SND1: variants seen among roughly 807,000 people sequenced by gnomAD.
SND1 encodes the protein staphylococcal nuclease domain-containing protein 1.
Under a neutral mutation model 121.7 loss-of-function variants are expected in SND1, and 38 were observed. The observed-to-expected ratio is 0.31, with a 90% CI of 0.24 to 0.41. The LOEUF is 0.41. Ranked by LOEUF, SND1 falls within the 10% of genes least tolerant of loss-of-function variation. The pLI is 1.00. For synonymous variants in SND1, 401 were observed against 447.4 expected (o/e 0.90, Z 1.31); for missense variants, 868 against 1,184.6 (o/e 0.73, Z 3.92).
chr7:127,853,162 G>A (rs2116665230), intron 12 of SND1, among the ~76,000 whole-genome samples: 1 of 152,240 alleles, frequency 6.6e-6, no homozygotes, highest in Middle Eastern at 3.4e-3. Context: ...GAGGGAAAGA[G>A]GCTCTCTGGT....
At chr7:128,031,803 C>T (rs892305425) in intron 16 of SND1, among the ~76,000 whole-genome samples, 5 of 147,492 alleles carry the variant, frequency 3.4e-5, no homozygotes, top group African/African-American at 1.2e-4. Flanking sequence ...TGCCCGGCCC[C>T]CGGCGCGCCG....
intron 1 of SND1, among the ~76,000 whole-genome samples, chr7:127,681,465 T>G (rs1373630364): frequency 6.6e-6 from 1 of 152,228 alleles, no homozygotes; most frequent in Non-Finnish European, 1.5e-5. Context: ...TAGTGTCCAT[T>G]GAAGCACACT....
intron 16 of SND1, among the ~76,000 whole-genome samples, chr7:128,064,206 G>A (rs1793276300): frequency 1.3e-5 from 2 of 152,036 alleles, no homozygotes; most frequent in Admixed American, 6.5e-5. Context: ...TAGACCCAGA[G>A]AGGTTAAAAA....
intron 14 of SND1, among the ~76,000 whole-genome samples, chr7:127,928,717 T>A (rs1800900430): frequency 6.6e-6 from 1 of 152,082 alleles, no homozygotes; most frequent in Non-Finnish European, 1.5e-5. Context: ...GCCTCCCAAG[T>A]AGCTGGGATT....
At chr7:127,922,307 C>G (rs186830161) in intron 14 of SND1, among the ~76,000 whole-genome samples, 1 of 149,532 alleles carries the variant, frequency 6.7e-6, no homozygotes, top group Non-Finnish European at 1.5e-5. Context: ...ATGAGGCCAC[C>G]GTGCCTGGCT....
chr7:127,846,785 A>G (rs890616290), intron 12 of SND1, among the ~76,000 whole-genome samples: 2 of 152,146 alleles, frequency 1.3e-5, no homozygotes, highest in Admixed American at 6.5e-5. Flanking sequence ...GCAGATTCAG[A>G]GAGACTCCCA....
chr7:127,698,956 A>G lies in SND1; in HGVS notation c.428+3A>G, dbSNP rs147567302. On this transcript the variant is annotated splice_donor_region_variant and intron_variant, in intron 4 of 23. Coordinates refer to ENST00000354725, the MANE Select transcript of SND1 (RefSeq NM_014390.4). ...AGAGAAGGCATGAGAGCTAATAAGTAAGTATTCATTACTCCGCTGTCTCTC... is the reference window on the plus strand; with the variant it reads ...AGAGAAGGCATGAGAGCTAATAAGTGAGTATTCATTACTCCGCTGTCTCTC... 2.2e-4 allele frequency: 355 copies of G among 1,611,120 alleles called. No individual in the cohort carries two copies. Among genetic ancestry groups the G allele is most frequent in the Non-Finnish European group, 2.8e-4 (328 of 1,177,424 alleles).
chr7:127,785,205 G>A (rs1022790441), intron 10 of SND1, among the ~76,000 whole-genome samples: 1 of 152,144 alleles, frequency 6.6e-6, no homozygotes, highest in Non-Finnish European at 1.5e-5. Flanking sequence ...CACCATGCCC[G>A]GCCAGGAATG....
intron 12 of SND1, among the ~76,000 whole-genome samples, chr7:127,870,248 G>A (rs951627387): frequency 6.6e-6 from 1 of 152,010 alleles, no homozygotes; most frequent in Non-Finnish European, 1.5e-5. Flanking sequence ...ATCTCCTATG[G>A]TCCTTAGTAT....
At chr7:127,963,361 G>A (rs1238596390) in intron 15 of SND1, among the ~76,000 whole-genome samples, 4 of 142,824 alleles carry the variant, frequency 2.8e-5, no homozygotes, top group East Asian at 4.2e-4. Flanking sequence ...CCACTAACTC[G>A]TCATCTAGCA....
In SND1 at chr7:127,815,924, C is replaced by T. The variant is rs138289196; in HGVS notation, c.1242+8351C>T. Among the ~76,000 whole-genome samples the T allele has an allele frequency of 4.5e-4, 69 of 152,254 alleles. 1 individual carries two copies. Among genetic ancestry groups the T allele is most frequent in the Non-Finnish European group, 8.2e-4 (56 of 68,008 alleles). On this transcript the variant is annotated intron_variant, in intron 11 of 23. Transcript: ENST00000354725. ...GATAATGTCAGCATTCTTTCATCTC[C>T]GATTTCATGCCTGTTTTGTCTTACT...
intron 5 of SND1, among the ~76,000 whole-genome samples, 184 bp from the exon 6 acceptor site, chr7:127,702,251 A>G (rs999806472): frequency 1.3e-5 from 2 of 152,184 alleles, no homozygotes; most frequent in Non-Finnish European, 2.9e-5. Flanking sequence ...TTCTCCAGGA[A>G]TCATTTATGC....
intron 1 of SND1, among the ~76,000 whole-genome samples, chr7:127,673,164 A>G (rs1273119929): frequency 6.8e-6 from 1 of 146,324 alleles, no homozygotes; most frequent in Non-Finnish European, 1.5e-5. Flanking sequence ...TATAATATAT[A>G]TCATATATAA....
chr7:127,841,270 T>A (rs1307676803), intron 11 of SND1, among the ~76,000 whole-genome samples: 2 of 152,118 alleles, frequency 1.3e-5, no homozygotes, highest in African/African-American at 4.8e-5. Flanking sequence ...TAACTTAGTT[T>A]TTTTTTTTAA....
intron 15 of SND1, among the ~76,000 whole-genome samples, chr7:127,961,113 C>T (rs1454700731): frequency 3.3e-5 from 5 of 152,170 alleles, no homozygotes; most frequent in African/African-American, 9.7e-5. Context: ...TAAATTCACT[C>T]GTATGTGGGT....
intron 12 of SND1, among the ~76,000 whole-genome samples, chr7:127,848,746 G>A (rs558714739): frequency 1.3e-5 from 2 of 152,282 alleles, no homozygotes; most frequent in East Asian, 3.9e-4. Flanking sequence ...AGATGAGATG[G>A]TGTCTCTTAA....
At chr7:127,718,870 T>C (rs540823219) in intron 9 of SND1, 34 of 486,742 alleles carry the variant, frequency 7.0e-5, no homozygotes, top group African/African-American at 6.9e-4. Flanking sequence ...CCTTATGTTT[T>C]TGGGAATTCA....
intron 10 of SND1, among the ~76,000 whole-genome samples, chr7:127,750,553 T>C (rs1416570753): frequency 2.6e-5 from 4 of 152,210 alleles, no homozygotes; most frequent in African/African-American, 9.6e-5. Flanking sequence ...TGAATACAGG[T>C]TGAGTATTCC....
At position 127,838,685 on chromosome 7, in the gene SND1, A is replaced by G. The variant is rs543240243; in HGVS notation, c.1243-5639A>G. On this transcript the variant is annotated intron_variant, in intron 11 of 23. Coordinates refer to ENST00000354725, the MANE Select transcript of SND1 (RefSeq NM_014390.4). ...TTGGGATGAATATGTATGAAGTACT[A>G]CATATTTTTGTTTGCTGTGGCTCTT... is the stretch of plus-strand genomic sequence containing the variant. 2.6e-5 allele frequency among the ~76,000 whole-genome samples: 4 copies of G among 152,336 alleles called. No individual in the cohort carries two copies. In the South Asian group the frequency reaches 6.2e-4, roughly 24 times the overall value.
Sources: allele counts gnomAD v4.1 joint callset (sites outside exome capture counted in the v4.1 genomes callset), GRCh38; gene constraint gnomAD v4.1.1; transcripts MANE v1.5; gene names NCBI Gene and HGNC (gene_info 2026-07-23, HGNC 2026-07-21).